ROR1: variants seen among roughly 807,000 people sequenced by gnomAD.
The protein encoded by ROR1 is ROR family WNT receptor 1.
ROR1 carries 19 observed loss-of-function variants against 78.8 expected under a neutral mutation model. The ratio of observed to expected loss-of-function variants is 0.24; its 90% confidence interval spans 0.17 to 0.35. The LOEUF is 0.35. ROR1 is among the 10% of genes least tolerant of loss of function. ROR1 has a pLI of 1.00. For missense variants in ROR1, 917 were observed against 1,177.8 expected, an observed-to-expected ratio of 0.78 and a Z score of 3.24; for synonymous variants, 386 against 433.6, an observed-to-expected ratio of 0.89 and a Z score of 1.36.
At chr1:63,941,359 A>C (rs953721876) in intron 1 of ROR1, among the ~76,000 whole-genome samples, 1 of 152,218 alleles carries the variant, frequency 6.6e-6, no homozygotes, top group African/African-American at 2.4e-5. Flanking sequence ...GCTGTGCTGA[A>C]ATGTTGAAAT....
chr1:63,788,268 A>C (rs1010346319), intron 1 of ROR1, among the ~76,000 whole-genome samples: 3 of 152,228 alleles, frequency 2.0e-5, no homozygotes, highest in Admixed American at 6.5e-5. Flanking sequence ...TATCCATTAA[A>C]AGCAAATTCA....
chr1:64,120,291 C>A (rs2762851), intron 4 of ROR1, among the ~76,000 whole-genome samples: 1 of 151,868 alleles, frequency 6.6e-6, no homozygotes, highest in Non-Finnish European at 1.5e-5. Flanking sequence ...TCATGGAGAG[C>A]GCTGTGTGGG....
At chr1:63,950,648 T>A (rs1395456749) in intron 1 of ROR1, among the ~76,000 whole-genome samples, 2 of 152,222 alleles carry the variant, frequency 1.3e-5, no homozygotes, top group African/African-American at 4.8e-5. Flanking sequence ...AGCCTCATTT[T>A]ACCCAATGCC....
chr1:63,790,709 C>T (rs114301763), intron 1 of ROR1, among the ~76,000 whole-genome samples: 2,824 of 152,220 alleles, frequency 0.019, 33 homozygotes, highest in Non-Finnish European at 0.027. Flanking sequence ...TGCTGGCTGC[C>T]GGCCCTCAGC....
intron 1 of ROR1, among the ~76,000 whole-genome samples, chr1:63,886,192 G>C (rs946235160): frequency 6.6e-6 from 1 of 152,144 alleles, no homozygotes; most frequent in African/African-American, 2.4e-5. Context: ...TGATGTGAGC[G>C]ATGAGGAGTG....
chr1:63,876,367 C>A (rs75676885), intron 1 of ROR1, among the ~76,000 whole-genome samples: 1,757 of 152,226 alleles, frequency 0.012, 43 homozygotes, highest in African/African-American at 0.041. Context: ...CTTCCTCCCA[C>A]CCTGTGCATC....
intron 8 of ROR1, among the ~76,000 whole-genome samples, chr1:64,163,495 C>T (rs1650004224): frequency 6.6e-6 from 1 of 152,096 alleles, no homozygotes; most frequent in African/African-American, 2.4e-5. Flanking sequence ...TGAGATGCAG[C>T]CAAAGCCTGG....
At chr1:63,961,214 G>A (rs776453518) in intron 1 of ROR1, among the ~76,000 whole-genome samples, 1 of 152,014 alleles carries the variant, frequency 6.6e-6, no homozygotes, top group Non-Finnish European at 1.5e-5. Flanking sequence ...TGTGGAAAAC[G>A]GGGAACCCAT....
chr1:64,091,855 C>T (rs1015090015), intron 4 of ROR1, among the ~76,000 whole-genome samples: 3 of 152,108 alleles, frequency 2.0e-5, no homozygotes, highest in African/African-American at 7.2e-5. Context: ...CCTCCATATC[C>T]CTGCAGGAAG....
At chr1:64,001,677 TAGG>T (rs1351535589) in intron 1 of ROR1, among the ~76,000 whole-genome samples, 1 of 152,150 alleles carries the variant, frequency 6.6e-6, no homozygotes, top group African/African-American at 2.4e-5. Context: ...TCTGGACTGT[TAGG>T]AGAAGTATTT....
chr1:63,932,892 G>A (rs1032771358), intron 1 of ROR1, among the ~76,000 whole-genome samples: 1 of 152,086 alleles, frequency 6.6e-6, no homozygotes, highest in African/African-American at 2.4e-5. Flanking sequence ...AGAATGGCAG[G>A]TGTAGGGCCA....
intron 1 of ROR1, among the ~76,000 whole-genome samples, chr1:63,780,901 C>G (rs563405539): frequency 8.5e-5 from 13 of 152,260 alleles, no homozygotes; most frequent in Non-Finnish European, 1.6e-4. Flanking sequence ...GTTTTTAGCT[C>G]CAATATCCAA....
At chr1:63,788,984 T>G in intron 1 of ROR1, 1 of 657,488 alleles carries the variant, frequency 1.5e-6, no homozygotes, top group South Asian at 1.4e-5. Flanking sequence ...TGCGGTATCT[T>G]CTGAGCAGCC....
intron 5 of ROR1, among the ~76,000 whole-genome samples, chr1:64,137,788 G>A (rs1463350376): frequency 2.0e-5 from 3 of 152,194 alleles, no homozygotes; most frequent in Non-Finnish European, 4.4e-5. Flanking sequence ...GAATGGGAGA[G>A]GTGATGGTGT....
At chr1:63,832,412 TG>T (rs1265816226) in intron 1 of ROR1, among the ~76,000 whole-genome samples, 1 of 152,096 alleles carries the variant, frequency 6.6e-6, no homozygotes, top group Admixed American at 6.5e-5. Flanking sequence ...TCTGCATGGG[TG>T]GGGAGGCCTC....
intron 1 of ROR1, among the ~76,000 whole-genome samples, chr1:63,869,269 AT>A (rs1299543526): frequency 6.6e-6 from 1 of 152,204 alleles, no homozygotes; most frequent in Non-Finnish European, 1.5e-5. Flanking sequence ...ATTACTGATT[AT>A]TTGTAACTTC....
intron 4 of ROR1, among the ~76,000 whole-genome samples, chr1:64,117,041 T>C (rs1319589047): frequency 6.6e-6 from 1 of 152,178 alleles, no homozygotes; most frequent in Non-Finnish European, 1.5e-5. Flanking sequence ...ATAAAATAAA[T>C]ATGTCCTCAA....
At chr1:64,034,148 T>C (rs1246821665) in intron 2 of ROR1, among the ~76,000 whole-genome samples, 1 of 152,070 alleles carries the variant, frequency 6.6e-6, no homozygotes. Context: ...ATGGAAGAAA[T>C]ACAGCTTTCA....
intron 2 of ROR1, among the ~76,000 whole-genome samples, chr1:64,025,336 G>A (rs1019155111): frequency 6.6e-6 from 1 of 152,070 alleles, no homozygotes; most frequent in Admixed American, 6.6e-5. Context: ...GTGGTTCCTC[G>A]CTTCTGTACT....
Sources: allele counts gnomAD v4.1 joint callset (sites outside exome capture counted in the v4.1 genomes callset), GRCh38; gene constraint gnomAD v4.1.1; transcripts MANE v1.5; gene names NCBI Gene and HGNC (gene_info 2026-07-23, HGNC 2026-07-21).